Variants in NKAIN3 observed in about 807,000 individuals in gnomAD.
The protein encoded by NKAIN3 is sodium/potassium-transporting ATPase subunit beta-1-interacting protein 3.
In NKAIN3, 25 loss-of-function variants were observed where a neutral mutation model predicts 30.2. The ratio of observed to expected loss-of-function variants is 0.83; its 90% CI spans 0.60 to 1.16. The LOEUF (loss-of-function observed/expected upper bound fraction) is 1.16, where lower values mean the gene tolerates loss of function less well. Ranked by LOEUF, NKAIN3 falls within the 50% of genes most tolerant of loss-of-function variation. The probability of loss-of-function intolerance (pLI) is 0.00; values close to 1 mark genes in which losing one functional copy is unlikely to be tolerated. For synonymous variants in NKAIN3, 91 were observed against 89.6 expected, an observed-to-expected ratio of 1.02 and a Z score of -0.09; for missense variants, 225 against 254.1, an observed-to-expected ratio of 0.89 and a Z score of 0.78.
At chr8:62,527,754 T>C (rs1309471842) in intron 1 of NKAIN3, among the ~76,000 whole-genome samples, 1 of 152,186 alleles carries the variant, frequency 6.6e-6, no homozygotes, top group Non-Finnish European at 1.5e-5. Context: ...GTTCATGCTT[T>C]ATGTACAAAA....
chr8:62,371,906 G>A (rs577113907), intron 1 of NKAIN3, among the ~76,000 whole-genome samples: 8 of 151,830 alleles, frequency 5.3e-5, no homozygotes, highest in Middle Eastern at 3.4e-3. Context: ...GCTCAGCCCC[G>A]CCTTTATTTC....
intron 1 of NKAIN3, among the ~76,000 whole-genome samples, chr8:62,536,833 T>C (rs902172992): frequency 2.6e-5 from 4 of 152,162 alleles, no homozygotes; most frequent in African/African-American, 9.7e-5. Flanking sequence ...CATTTTTATA[T>C]ACAATCTAAA....
At chr8:62,526,593 A>C (rs1808310759) in intron 1 of NKAIN3, among the ~76,000 whole-genome samples, 1 of 152,128 alleles carries the variant, frequency 6.6e-6, no homozygotes, top group Admixed American at 6.5e-5. Context: ...ATCATCTAGG[A>C]GTGTTTATTT....
intron 1 of NKAIN3, among the ~76,000 whole-genome samples, chr8:62,288,377 G>C (rs539859810): frequency 6.6e-6 from 1 of 152,126 alleles, no homozygotes; most frequent in African/African-American, 2.4e-5. Context: ...ATCTCCTAAT[G>C]CTATCCCTCC....
intron 3 of NKAIN3, among the ~76,000 whole-genome samples, chr8:62,633,898 A>G (rs1213966275): frequency 6.6e-6 from 1 of 152,070 alleles, no homozygotes; most frequent in Non-Finnish European, 1.5e-5. Flanking sequence ...CTTCGCATCT[A>G]AGAGAGTACA....
At chr8:62,674,020 G>A (rs1813393870) in intron 3 of NKAIN3, among the ~76,000 whole-genome samples, 1 of 152,180 alleles carries the variant, frequency 6.6e-6, no homozygotes, top group Non-Finnish European at 1.5e-5. Flanking sequence ...TTGTTGGTGT[G>A]TTGGCAGGGA....
chr8:62,347,482 G>T (rs760130198), intron 1 of NKAIN3, among the ~76,000 whole-genome samples: 8 of 151,968 alleles, frequency 5.3e-5, no homozygotes, highest in Non-Finnish European at 8.8e-5. Flanking sequence ...AGTTTCAAAG[G>T]CGTATCTTGA....
chr8:62,344,755 A>T (rs1451035090), intron 1 of NKAIN3: 7 of 334,702 alleles, frequency 2.1e-5, no homozygotes, highest in Non-Finnish European at 1.8e-5. Context: ...TTTGCTACAC[A>T]CTAGTAAGCC....
At chr8:62,943,123 T>C (rs973321394) in intron 5 of NKAIN3, among the ~76,000 whole-genome samples, 1 of 152,158 alleles carries the variant, frequency 6.6e-6, no homozygotes, top group Admixed American at 6.6e-5. Context: ...AGAAAATCTT[T>C]GCGAATTATG....
At chr8:62,480,301 G>A (rs974609786) in intron 1 of NKAIN3, among the ~76,000 whole-genome samples, 3 of 152,080 alleles carry the variant, frequency 2.0e-5, no homozygotes, top group Non-Finnish European at 2.9e-5. Context: ...AGCTGTGTGA[G>A]GCTATGTTAA....
chr8:62,329,282 C>A (rs994404969), intron 1 of NKAIN3, among the ~76,000 whole-genome samples: 4 of 151,972 alleles, frequency 2.6e-5, no homozygotes, highest in African/African-American at 9.7e-5. Flanking sequence ...ATTTGAAAGA[C>A]TTTTCTATAC....
intron 3 of NKAIN3, among the ~76,000 whole-genome samples, chr8:62,709,959 A>G (rs546320476): frequency 6.6e-6 from 1 of 152,142 alleles, no homozygotes; most frequent in African/African-American, 2.4e-5. Flanking sequence ...TTACATTTCT[A>G]TCTTGATTTT....
chr8:62,846,527 G>T (rs1374712729), intron 4 of NKAIN3, among the ~76,000 whole-genome samples: 1 of 151,790 alleles, frequency 6.6e-6, no homozygotes, highest in East Asian at 1.9e-4. Context: ...TCTGCCCCTC[G>T]TGACCATGTG....
At chr8:62,544,456 C>T (rs1203037380) in intron 1 of NKAIN3, among the ~76,000 whole-genome samples, 7 of 151,780 alleles carry the variant, frequency 4.6e-5, no homozygotes, top group Non-Finnish European at 4.4e-5. Context: ...ACATTTAAAC[C>T]CAGAATTTTA....
intron 3 of NKAIN3, among the ~76,000 whole-genome samples, chr8:62,656,206 CCT>C (rs1238233546): frequency 6.6e-6 from 1 of 152,116 alleles, no homozygotes. Flanking sequence ...CTTCACACTC[CCT>C]GTTTTCCCAT....
intron 1 of NKAIN3, among the ~76,000 whole-genome samples, chr8:62,360,901 G>T (rs961362441): frequency 6.6e-6 from 1 of 151,492 alleles, no homozygotes; most frequent in East Asian, 1.9e-4. Context: ...TTTAATCTTT[G>T]TTGGTTTAAA....
At chr8:62,259,611 C>T (rs760418488) in intron 1 of NKAIN3, among the ~76,000 whole-genome samples, 1 of 152,024 alleles carries the variant, frequency 6.6e-6, no homozygotes, top group Non-Finnish European at 1.5e-5. Context: ...ATATGTTTTG[C>T]AAAGATATTG....
intron 4 of NKAIN3, among the ~76,000 whole-genome samples, chr8:62,752,502 G>A (rs1420237941): frequency 6.6e-6 from 1 of 152,150 alleles, no homozygotes; most frequent in African/African-American, 2.4e-5. Flanking sequence ...TACTTAATAT[G>A]TATGTATTTT....
intron 2 of NKAIN3, among the ~76,000 whole-genome samples, chr8:62,582,119 T>TTTCC (rs1229704301): frequency 1.4e-4 from 14 of 100,496 alleles, no homozygotes; most frequent in African/African-American, 5.1e-4. Flanking sequence ...TTCTTTCCTT[T>TTTCC]TTCCTTCCTT....
Sources: allele counts gnomAD v4.1 joint callset (sites outside exome capture counted in the v4.1 genomes callset), GRCh38; gene constraint gnomAD v4.1.1; transcripts MANE v1.5; gene names NCBI Gene and HGNC (gene_info 2026-07-23, HGNC 2026-07-21).